The following TMEM259 variants were observed in gnomAD, a reference collection of about 807,000 sequenced individuals.
The protein encoded by TMEM259 is transmembrane protein 259, also known as membralin.
Under a neutral mutation model 46.7 loss-of-function variants are expected in TMEM259, and 26 were observed. The observed-to-expected ratio is 0.56, with a 90% confidence interval of 0.41 to 0.77. The LOEUF (loss-of-function observed/expected upper bound fraction) is 0.77. Ranked by LOEUF, TMEM259 falls within the 30% of genes least tolerant of loss-of-function variation. TMEM259 has a pLI of 0.00. For missense variants in TMEM259, 930 were observed against 900.5 expected (o/e 1.03, Z -0.42); for synonymous variants, 494 against 395.1 (o/e 1.25, Z -2.97).
rs1403138165 is a variant in TMEM259, at chr19:1,011,955, G to A, written c.879C>T (p.Arg293=). 3.7e-6 allele frequency: 6 copies of A among 1,612,266 alleles called. No individual in the cohort carries two copies. The highest frequency in any genetic ancestry group is 1.7e-5 in the Admixed American group (1 of 59,996). The change falls in exon 6 of 11, where the codon CGC becomes CGT. Residue 293 remains arginine (R), a synonymous_variant. Transcript: ENST00000356663. ...TCCGCGCCATCCACATGCTCACAAAGCGGTAGTGCTCGCCCGACACCACAT... is the reference window on the plus strand; with the variant it reads ...TCCGCGCCATCCACATGCTCACAAAACGGTAGTGCTCGCCCGACACCACAT... The part of the protein sequence containing the change: ...LRNVVSGEHY[R]FVSMWMARTS...
chr19:1,010,956 C>A (rs1477298870), intron 10 of TMEM259, 61 bp from the exon 11 acceptor site: 1 of 1,561,684 alleles, frequency 6.4e-7, no homozygotes, highest in East Asian at 2.3e-5. Flanking sequence ...GCCGCTGCTC[C>A]CAGAGGGCAG....
intron 1 of TMEM259, among the ~76,000 whole-genome samples, chr19:1,015,487 C>T (rs1277090777): frequency 6.6e-6 from 1 of 152,178 alleles, no homozygotes; most frequent in Non-Finnish European, 1.5e-5. Flanking sequence ...GCCCCTCTTC[C>T]AGGGAGCCCG....
chr19:1,012,323 A>G, intron 4 of TMEM259, 135 bp from the exon 5 acceptor site: 1 of 1,495,848 alleles, frequency 6.7e-7, no homozygotes. Flanking sequence ...CCAGGACCCC[A>G]GCCCTGGGAA....
At position 1,014,482 on chromosome 19, in the gene TMEM259, C is replaced by A; in HGVS notation, c.226-9G>T. 6.2e-7 allele frequency: 1 copy of A among 1,600,912 alleles called. No homozygotes were observed. The highest frequency in any genetic ancestry group is 8.5e-7 in the Non-Finnish European group (1 of 1,172,444). ...AAGAGCACAAACAGGGCCTAGGGGG[C>A]GGCCGGCAGTCAGTGGGGCGCCCCA... On this transcript the variant is annotated splice_polypyrimidine_tract_variant and intron_variant, in intron 1 of 10. Transcript: ENST00000356663.
intron 4 of TMEM259, 68 bp downstream of exon 4, chr19:1,012,395 G>C: frequency 6.5e-7 from 1 of 1,527,972 alleles, no homozygotes; most frequent in Non-Finnish European, 8.8e-7. Flanking sequence ...CGCACCAGCA[G>C]GAGGAGACCC....
chr19:1,010,284 C>A lies in TMEM259; in HGVS notation c.*66G>T, dbSNP rs1048211553. 5.9e-6 allele frequency: 8 copies of A among 1,352,074 alleles called. No homozygotes were observed. Among genetic ancestry groups the A allele is most frequent in the African/African-American group, 3.1e-5 (2 of 64,696 alleles). The allele number at this position is 1,352,074 out of a possible 1,614,324, so 83.8% of individuals were successfully genotyped here. On this transcript the variant is annotated 3_prime_UTR_variant, in exon 11 of 11. Transcript: ENST00000356663. ...GAGGAAGGAGGTGGCTGGCCTCCCC[C>A]ACCCCCACGGGCTCGGGAAGGTCAG... is the stretch of plus-strand genomic sequence containing the variant.
chr19:1,010,111 C>T lies in TMEM259; in HGVS notation c.*239G>A. The T allele has an allele frequency of 2.0e-6, 1 of 502,324 alleles. No homozygotes were observed. The highest frequency in any genetic ancestry group is 3.9e-5 in the Admixed American group (1 of 25,460). The allele number at this position is 502,324 out of a possible 1,614,324, so 31.1% of individuals were successfully genotyped here. ...GACCCCTCCAGAACCTTCCGCGGAA[C>T]CCCACCCCCTCTCCTTGCTGACCAG... On this transcript the variant is annotated 3_prime_UTR_variant, in exon 11 of 11. Transcript: ENST00000356663.
In TMEM259 at chr19:1,010,301, G is replaced by A; in HGVS notation, c.*49C>T. The A allele has an allele frequency of 1.4e-6, 2 of 1,403,990 alleles. No homozygotes were observed. The highest frequency in any genetic ancestry group is 1.8e-6 in the Non-Finnish European group (2 of 1,083,780). The allele number at this position is 1,403,990 out of a possible 1,614,324, so 87.0% of individuals were successfully genotyped here. On this transcript the variant is annotated 3_prime_UTR_variant, in exon 11 of 11. Transcript: ENST00000356663. Reference sequence around the variant, plus strand: ...GCCTCCCCCACCCCCACGGGCTCGGGAAGGTCAGGCCCAGCCAGCAGGGGT... The same window carrying A: ...GCCTCCCCCACCCCCACGGGCTCGGAAAGGTCAGGCCCAGCCAGCAGGGGT...
intron 1 of TMEM259, among the ~76,000 whole-genome samples, chr19:1,015,992 G>A (rs1173215113): frequency 6.6e-6 from 1 of 152,232 alleles, no homozygotes; most frequent in Non-Finnish European, 1.5e-5. Context: ...ACGTGCACCT[G>A]GGGCGAGCCC....
At position 1,015,761 on chromosome 19, in the gene TMEM259, G is replaced by A. The variant is rs546176166; in HGVS notation, c.226-1288C>T. On this transcript the variant is annotated intron_variant, in intron 1 of 10. Coordinates refer to ENST00000356663, the MANE Select transcript of TMEM259 (RefSeq NM_001033026.2). ...CCTGCTGGCAGGTGCACCAATGCCC[G>A]GGGTGCAGTGAGCCACCTGTGGCCG... is the stretch of plus-strand genomic sequence containing the variant. Among the ~76,000 whole-genome samples, 5 of 152,304 alleles carry A rather than the reference G, an allele frequency of 3.3e-5. No homozygotes were observed. In the East Asian group the frequency reaches 5.8e-4, roughly 18 times the overall value.
chr19:1,012,256 G>A lies in TMEM259; in HGVS notation c.719-68C>T, dbSNP rs1220031520. 2.6e-6 allele frequency: 4 copies of A among 1,543,612 alleles called. 1 individual carries two copies. Among genetic ancestry groups the A allele is most frequent in the Admixed American group, 3.9e-5 (2 of 50,794 alleles). ...CACCCCCTGGGCCCTGCCCCAGCTG[G>A]CTCCATTGCTGAGGCCTGGCCTGCT... On this transcript the variant is annotated intron_variant, in intron 4 of 10. Transcript: ENST00000356663.
chr19:1,012,145 C>T lies in TMEM259; in HGVS notation c.762G>A (p.Leu254=). The T allele has an allele frequency of 1.2e-6, 2 of 1,608,998 alleles. No individual in the cohort carries two copies. The highest frequency in any genetic ancestry group is 8.5e-7 in the Non-Finnish European group (1 of 1,178,206). ...CGTAGCCCAGGAACTCATCCAGCAG[C>T]AGGCGGCTGAAGCGGTCCCCGAAGC... is the stretch of plus-strand genomic sequence containing the variant. ...DQCFGDRFSR[L]LLDEFLGYDD... Residue 254 remains leucine (L), a synonymous_variant, in exon 5 of 11, where the codon CTG becomes CTA. Transcript: ENST00000356663.
At chr19:1,012,020 GC>G (rs2038950052) in intron 5 of TMEM259, 28 bp from the exon 6 acceptor site, 2 of 1,611,456 alleles carry the variant, frequency 1.2e-6, no homozygotes, top group Non-Finnish European at 1.7e-6. Flanking sequence ...GTGAGCGCCC[GC>G]CCCCACCCGC....
In TMEM259 at chr19:1,011,971, G is replaced by C. The variant is rs774931387; in HGVS notation, c.863C>G (p.Ser288Trp). Reference sequence around the variant, plus strand: ...GCTCACAAAGCGGTAGTGCTCGCCCGACACCACATTCCGCAGGAAGCCTGC... The same window carrying C: ...GCTCACAAAGCGGTAGTGCTCGCCCCACACCACATTCCGCAGGAAGCCTGC... ...ENKGFLRNVVSGEHYRFVSMW... is the reference protein window; with the variant it reads ...ENKGFLRNVVWGEHYRFVSMW... The change falls in exon 6 of 11, where the codon TCG becomes TGG. Residue 288 changes from serine to tryptophan, a missense_variant. Physicochemically the swap from Ser to Trp is radical, Grantham distance 177 (BLOSUM62 -3). Transcript: ENST00000356663. 2 of 1,611,872 alleles carry C rather than the reference G, an allele frequency of 1.2e-6. No individual in the cohort carries two copies. Among genetic ancestry groups the C allele is most frequent in the African/African-American group, 2.7e-5 (2 of 74,832 alleles).
chr19:1,010,538 C>A lies in TMEM259; in HGVS notation c.1675G>T (p.Ala559Ser). Residue 559 changes from alanine (A) to serine (S), a missense_variant, in exon 11 of 11, where the codon GCC becomes TCC. Ala to Ser is a moderately conservative substitution (Grantham distance 99, BLOSUM62 1). Transcript: ENST00000356663. ...GCTGGACGCCGCTCCAGGAGGGAGGCGCTCAGGCCGGACAGGAAGGAGGCG... is the reference window on the plus strand; with the variant it reads ...GCTGGACGCCGCTCCAGGAGGGAGGAGCTCAGGCCGGACAGGAAGGAGGCG... ...TDASFLSGLS[A>S]SLLERRPASP... 1.3e-6 allele frequency: 2 copies of A among 1,548,132 alleles called. No individual in the cohort carries two copies. Among genetic ancestry groups the A allele is most frequent in the Non-Finnish European group, 1.7e-6 (2 of 1,146,774 alleles).
chr19:1,011,293 G>A (rs2038909623), intron 9 of TMEM259, 74 bp downstream of exon 9: 1 of 1,538,956 alleles, frequency 6.5e-7, no homozygotes, highest in South Asian at 1.2e-5. Context: ...CCCGCCTCCA[G>A]CGCCCCTCCC....
At chr19:1,014,807 C>T (rs986072468) in intron 1 of TMEM259, among the ~76,000 whole-genome samples, 9 of 152,208 alleles carry the variant, frequency 5.9e-5, no homozygotes, top group Admixed American at 1.3e-4. Context: ...GTGAGCCGGA[C>T]GAAGCCAGCA....
At chr19:1,011,012 C>T (rs2038894765) in intron 10 of TMEM259, 84 bp downstream of exon 10, 1 of 1,546,636 alleles carries the variant, frequency 6.5e-7, no homozygotes, top group African/African-American at 1.4e-5. Context: ...TGGGCCGACC[C>T]CACAGGGCAT....
chr19:1,010,255 C>T lies in TMEM259; in HGVS notation c.*95G>A. 8.4e-7 allele frequency: 1 copy of T among 1,195,364 alleles called. No individual in the cohort carries two copies. Among genetic ancestry groups the T allele is most frequent in the Non-Finnish European group, 1.1e-6 (1 of 901,014 alleles). The allele number at this position is 1,195,364 out of a possible 1,614,324, so 74.0% of individuals were successfully genotyped here. On this transcript the variant is annotated 3_prime_UTR_variant, in exon 11 of 11. Coordinates refer to ENST00000356663, the MANE Select transcript of TMEM259 (RefSeq NM_001033026.2). The stretch of plus-strand genomic sequence containing the variant: ...AAGCCCCCGACACAGGCTGGGCAGT[C>T]CCAGAGGAAGGAGGTGGCTGGCCTC...
Sources: allele counts gnomAD v4.1 joint callset (sites outside exome capture counted in the v4.1 genomes callset), GRCh38; gene constraint gnomAD v4.1.1; transcripts MANE v1.5; gene names NCBI Gene and HGNC (gene_info 2026-07-23, HGNC 2026-07-21).